Variants in ATP6V1B1 observed in about 807,000 individuals in gnomAD.
The protein encoded by ATP6V1B1 is ATPase H+ transporting V1 subunit B1, also known as V-type proton ATPase subunit B, kidney isoform.
ATP6V1B1 carries 41 observed loss-of-function variants against 62.1 expected under a neutral mutation model. The ratio of observed to expected loss-of-function variants is 0.66; its 90% CI spans 0.51 to 0.86. ATP6V1B1 has a LOEUF of 0.86. ATP6V1B1 is among the 40% of genes least tolerant of loss of function. The pLI, the probability that ATP6V1B1 is intolerant of heterozygous loss-of-function variation, is 0.00. For synonymous variants in ATP6V1B1, 253 were observed against 273.4 expected (o/e 0.93, Z 0.74); for missense variants, 651 against 697.5 (o/e 0.93, Z 0.75).
At chr2:70,942,768 C>T (rs1680035605) in intron 1 of ATP6V1B1, among the ~76,000 whole-genome samples, 1 of 152,240 alleles carries the variant, frequency 6.6e-6, no homozygotes, top group Non-Finnish European at 1.5e-5. Flanking sequence ...TCACAGACCC[C>T]CTGCCCACCT....
intron 1 of ATP6V1B1, among the ~76,000 whole-genome samples, chr2:70,938,194 CAG>C (rs34701847): frequency 0.026 from 3,978 of 152,268 alleles, 61 homozygotes; most frequent in Non-Finnish European, 0.039. Flanking sequence ...CCTTCATCCA[CAG>C]TGTCTCCCAA....
At chr2:70,954,653 G>A (rs1680392949) in intron 2 of ATP6V1B1, among the ~76,000 whole-genome samples, 1 of 151,962 alleles carries the variant, frequency 6.6e-6, no homozygotes, top group Non-Finnish European at 1.5e-5. Flanking sequence ...GTTTGGTTTG[G>A]TTTTGTTTTT....
rs544742855 is a variant in ATP6V1B1, at chr2:70,950,026, T to G, written c.174+6313T>G. 1.5e-3 allele frequency among the ~76,000 whole-genome samples: 225 copies of G among 152,314 alleles called. 1 individual carries two copies. The highest frequency in any genetic ancestry group is 5.2e-3 in the African/African-American group (216 of 41,592). On this transcript the variant is annotated intron_variant, in intron 2 of 13. Coordinates refer to ENST00000234396, the MANE Select transcript of ATP6V1B1 (RefSeq NM_001692.4). ...TATATTTAAATTTTTTTTACATGCC[T>G]GGAATGTATTTGGGTTTATGATGTG...
chr2:70,961,527 C>A lies in ATP6V1B1; in HGVS notation c.688-69C>A. The A allele has an allele frequency of 2.6e-6, 4 of 1,515,796 alleles. No individual in the cohort carries two copies. The South Asian group carries it at 4.5e-5, about 17-fold the overall frequency. The allele number at this position is 1,515,796 out of a possible 1,614,324, so 93.9% of individuals were successfully genotyped here. A position where few individuals can be genotyped will look rare whatever the true frequency, so the allele number is the denominator to read the frequency against. On this transcript the variant is annotated intron_variant, in intron 7 of 13. Transcript: ENST00000234396. ...AGTCCACAGGCTTTCCTGAGGACAC[C>A]TGGGAGGGGCCAGGCCTTGCCCTCA... is the stretch of plus-strand genomic sequence containing the variant.
At position 70,936,088 on chromosome 2, in the gene ATP6V1B1, A is replaced by G; in HGVS notation, c.118+16A>G. 6.3e-7 allele frequency: 1 copy of G among 1,591,936 alleles called. No individual in the cohort carries two copies. The highest frequency in any genetic ancestry group is 1.1e-5 in the South Asian group (1 of 90,670). On this transcript the variant is annotated intron_variant, in intron 1 of 13. Transcript: ENST00000234396. ...CCCCGTGTCAGTGAGTAGCCCCTCC[A>G]CCGTGACGGGTGAGGTCAGGGTGGG...
intron 1 of ATP6V1B1, chr2:70,943,344 G>A (rs1467519494): frequency 5.4e-6 from 3 of 551,144 alleles, no homozygotes; most frequent in Non-Finnish European, 9.9e-6. Flanking sequence ...GGTGAGGTGG[G>A]GGTTGAAGCC....
chr2:70,957,832 A>G, intron 2 of ATP6V1B1: 1 of 581,416 alleles, frequency 1.7e-6, no homozygotes, highest in Non-Finnish European at 3.1e-6. Flanking sequence ...TCAGAGTTTC[A>G]GCTGTAACCT....
At chr2:70,946,629 C>T (rs1011315806) in intron 2 of ATP6V1B1, among the ~76,000 whole-genome samples, 2 of 152,198 alleles carry the variant, frequency 1.3e-5, no homozygotes, top group African/African-American at 4.8e-5. Flanking sequence ...AGGTTCACAT[C>T]AGACAAATGT....
At chr2:70,951,229 C>T (rs1680317319) in intron 2 of ATP6V1B1, among the ~76,000 whole-genome samples, 1 of 152,112 alleles carries the variant, frequency 6.6e-6, no homozygotes, top group South Asian at 2.1e-4. Context: ...AGGCATGATC[C>T]ACTGCGCCCG....
Position 70,959,954 on chromosome 2 carries a change from C to T in ATP6V1B1, c.461C>T (p.Pro154Leu), listed in dbSNP as rs781822154. The T allele has an allele frequency of 5.6e-6, 9 of 1,614,064 alleles. No individual in the cohort carries two copies. Among genetic ancestry groups the T allele is most frequent in the Admixed American group, 1.7e-5 (1 of 60,012 alleles). The part of the protein sequence containing the change: ...FLDINGQPIN[P>L]HSRIYPEEMI... ...CCTCTCCCAGGCCAGCCCATCAACC[C>T]GCACTCCCGCATCTACCCCGAGGAG... The change falls in exon 6 of 14, where the codon CCG (proline) becomes CTG (leucine). Residue 154 changes from proline to leucine, a missense_variant. Transcript: ENST00000234396. This position sits in a 1 kb window ranked among gnomAD's most constrained non-coding sequence, Gnocchi z 4.2.
At chr2:70,943,187 TACAC>T (rs3831677) in intron 1 of ATP6V1B1, among the ~76,000 whole-genome samples, 13 of 150,844 alleles carry the variant, frequency 8.6e-5, no homozygotes, top group South Asian at 2.1e-4. Context: ...ACACACCACA[TACAC>T]ACACACACAC....
chr2:70,953,482 C>T (rs1680365487), intron 2 of ATP6V1B1, among the ~76,000 whole-genome samples: 1 of 152,068 alleles, frequency 6.6e-6, no homozygotes, highest in Admixed American at 6.5e-5. Context: ...ATTAGACTAG[C>T]CTTACATCCC....
At chr2:70,964,657 C>G in intron 12 of ATP6V1B1, 79 bp from the exon 13 acceptor site, 6 of 1,612,384 alleles carry the variant, frequency 3.7e-6, no homozygotes, top group Non-Finnish European at 5.1e-6. Flanking sequence ...CGAACGGGGT[C>G]CCAGTGTGGC....
intron 2 of ATP6V1B1, among the ~76,000 whole-genome samples, chr2:70,953,673 A>C (rs963801950): frequency 2.0e-5 from 3 of 152,188 alleles, no homozygotes; most frequent in African/African-American, 7.2e-5. Context: ...CAAGTTTCCC[A>C]TAATTATTTT....
At chr2:70,958,537 T>C in intron 4 of ATP6V1B1, 111 bp downstream of exon 4, 1 of 1,061,328 alleles carries the variant, frequency 9.4e-7, no homozygotes, top group Non-Finnish European at 1.4e-6. Flanking sequence ...ACTTCCTGCC[T>C]GTCTCTCTGG....
chr2:70,959,013 C>T lies in ATP6V1B1; in HGVS notation c.368-5C>T, dbSNP rs2104826307. On this transcript the variant is annotated splice_region_variant and splice_polypyrimidine_tract_variant and intron_variant, in intron 4 of 13. Coordinates refer to ENST00000234396, the MANE Select transcript of ATP6V1B1 (RefSeq NM_001692.4). The surrounding 1 kb of genome is among the most constrained non-coding windows in gnomAD (Gnocchi z 4.2). ...CACCCTGCAACACTCCTCGTCCACCCTCAGGTCGGGTTTTCAATGGCTCCG... is the reference window on the plus strand; with the variant it reads ...CACCCTGCAACACTCCTCGTCCACCTTCAGGTCGGGTTTTCAATGGCTCCG... 1 of 1,614,028 alleles carries T rather than the reference C, an allele frequency of 6.2e-7. No homozygotes were observed. The highest frequency in any genetic ancestry group is 2.2e-5 in the East Asian group (1 of 44,860).
chr2:70,951,083 C>T (rs538805443), intron 2 of ATP6V1B1, among the ~76,000 whole-genome samples: 113 of 151,988 alleles, frequency 7.4e-4, no homozygotes, highest in African/African-American at 2.7e-3. Context: ...GCTGAGATTA[C>T]AGGCGCCCTC....
intron 2 of ATP6V1B1, among the ~76,000 whole-genome samples, chr2:70,954,939 T>C (rs1446169141): frequency 6.6e-6 from 1 of 152,200 alleles, no homozygotes; most frequent in Admixed American, 6.5e-5. Flanking sequence ...TTGGTGCTGA[T>C]GACAGCTGAC....
Position 70,959,759 on chromosome 2 carries a change from C to T in ATP6V1B1, c.446-180C>T, listed in dbSNP as rs1208156493. Among the ~76,000 whole-genome samples the T allele has an allele frequency of 2.0e-5, 3 of 152,214 alleles. No individual in the cohort carries two copies. The highest frequency in any genetic ancestry group is 4.8e-5 in the African/African-American group (2 of 41,444). ...AAGAAAGTCCCATTTCAGAGTCACA[C>T]GTCATGTGCTCAATAGCCATTTGTA... On this transcript the variant is annotated intron_variant, in intron 5 of 13. Coordinates refer to ENST00000234396, the MANE Select transcript of ATP6V1B1 (RefSeq NM_001692.4). This position sits in a 1 kb window ranked among gnomAD's most constrained non-coding sequence, Gnocchi z 4.2.
Sources: allele counts gnomAD v4.1 joint callset (sites outside exome capture counted in the v4.1 genomes callset), GRCh38; gene constraint gnomAD v4.1.1; non-coding constraint Gnocchi (gnomAD v3.1); transcripts MANE v1.5; gene names NCBI Gene and HGNC (gene_info 2026-07-23, HGNC 2026-07-21).